MTRF1: variants seen among roughly 807,000 people sequenced by gnomAD.
MTRF1 encodes the protein peptide chain release factor 1, mitochondrial.
MTRF1 carries 51 observed loss-of-function variants against 62.9 expected under a neutral mutation model. That is an observed-to-expected ratio of 0.81 (90% CI 0.65 to 1.02). The LOEUF (loss-of-function observed/expected upper bound fraction) is 1.02, where lower values mean the gene tolerates loss of function less well. MTRF1 is among the 50% of genes least tolerant of loss of function. The pLI is 0.00. For missense variants in MTRF1, 446 were observed against 530.0 expected, an observed-to-expected ratio of 0.84 and a Z score of 1.56; for synonymous variants, 158 against 181.9, an observed-to-expected ratio of 0.87 and a Z score of 1.06.
the MTRF1 span, among the ~76,000 whole-genome samples, chr13:41,268,883 T>C: frequency 6.6e-6 from 1 of 152,222 alleles, no homozygotes; most frequent in Non-Finnish European, 1.5e-5. Flanking sequence ...GGAGAGACCA[T>C]TATAATTTCT....
At chr13:41,263,666 C>G (rs762601323), upstream of MTRF1, 1 of 165,906 alleles carries the variant, frequency 6.0e-6, no homozygotes, top group Non-Finnish European at 1.3e-5. Context: ...TGTCCTCGAG[C>G]ATGCCTAACA....
chr13:41,233,200 G>A (rs925508837), intron 7 of MTRF1, among the ~76,000 whole-genome samples: 2 of 152,044 alleles, frequency 1.3e-5, no homozygotes, highest in Non-Finnish European at 2.9e-5. Flanking sequence ...AGCTAAAAGA[G>A]GTTCATTTGT....
At chr13:41,274,957 A>G in the MTRF1 span, among the ~76,000 whole-genome samples, 2 of 152,078 alleles carry the variant, frequency 1.3e-5, no homozygotes, top group Non-Finnish European at 1.5e-5. Flanking sequence ...TTTAGAAACG[A>G]AAGACATCAT....
intron 2 of MTRF1, among the ~76,000 whole-genome samples, 192 bp downstream of exon 2, chr13:41,260,301 C>T (rs1440395573): frequency 2.6e-5 from 4 of 151,788 alleles, no homozygotes; most frequent in African/African-American, 9.7e-5. Flanking sequence ...TTACAGTGAG[C>T]TACGATTGAG....
At chr13:41,258,576 A>C (rs199788357) in intron 2 of MTRF1, among the ~76,000 whole-genome samples, 7,889 of 35,084 alleles carry the variant, frequency 0.22, 243 homozygotes, top group Non-Finnish European at 0.28. Flanking sequence ...AAAAAAAAAC[A>C]AAAAAAAAAA....
At chr13:41,306,552 G>A in the MTRF1 span, among the ~76,000 whole-genome samples, 1 of 152,190 alleles carries the variant, frequency 6.6e-6, no homozygotes, top group Admixed American at 6.5e-5. Flanking sequence ...TTGATTTTAG[G>A]TTGCCAGCTG....
the MTRF1 span, chr13:41,311,716 T>G: frequency 1.3e-6 from 1 of 776,936 alleles, no homozygotes. Context: ...ACCTCGGAGG[T>G]CGCGGGACCC....
At chr13:41,257,951 T>C (rs1195347318) in intron 2 of MTRF1, among the ~76,000 whole-genome samples, 2 of 152,202 alleles carry the variant, frequency 1.3e-5, no homozygotes, top group East Asian at 1.9e-4. Flanking sequence ...ACTATTATTA[T>C]AGAAAAATTG....
chr13:41,294,202 G>A, the MTRF1 span, among the ~76,000 whole-genome samples: 1 of 151,942 alleles, frequency 6.6e-6, no homozygotes, highest in Admixed American at 6.6e-5. Context: ...GGCAGATCAC[G>A]AGGTCAAGAG....
chr13:41,257,709 G>A (rs1340171949), intron 2 of MTRF1: 1 of 414,048 alleles, frequency 2.4e-6, no homozygotes, highest in Non-Finnish European at 5.0e-6. Flanking sequence ...GAGGTTGGAG[G>A]ATTGCTTGAG....
chr13:41,239,446 A>G (rs1354452172), intron 6 of MTRF1, among the ~76,000 whole-genome samples: 3 of 152,224 alleles, frequency 2.0e-5, no homozygotes, highest in African/African-American at 7.2e-5. Context: ...GTTCATTTAA[A>G]TAAATGTATA....
intron 3 of MTRF1, among the ~76,000 whole-genome samples, chr13:41,254,274 T>C (rs921128647): frequency 6.6e-6 from 1 of 152,240 alleles, no homozygotes; most frequent in African/African-American, 2.4e-5. Context: ...TACCAGCACG[T>C]ATTCTCTTGC....
the MTRF1 span, among the ~76,000 whole-genome samples, chr13:41,288,838 G>A: frequency 1.3e-5 from 2 of 152,130 alleles, no homozygotes; most frequent in East Asian, 3.9e-4. Flanking sequence ...GAGACAACTC[G>A]CAGTGTCAAT....
At chr13:41,228,219 A>G (rs745360011) in intron 7 of MTRF1, among the ~76,000 whole-genome samples, 1 of 152,170 alleles carries the variant, frequency 6.6e-6, no homozygotes, top group Non-Finnish European at 1.5e-5. Flanking sequence ...GGAGTATTTA[A>G]TAATGAGTAC....
the MTRF1 span, among the ~76,000 whole-genome samples, chr13:41,301,159 G>T: frequency 1.3e-5 from 2 of 152,304 alleles, no homozygotes; most frequent in Middle Eastern, 6.8e-3. Context: ...GGAGAGAGGA[G>T]TAAAGTTCCC....
chr13:41,272,732 C>T, the MTRF1 span, among the ~76,000 whole-genome samples: 2 of 152,172 alleles, frequency 1.3e-5, no homozygotes, highest in African/African-American at 4.8e-5. Flanking sequence ...AACACTTGAA[C>T]TCATCTTCCC....
chr13:41,223,128 T>C (rs560016277), intron 9 of MTRF1, 128 bp downstream of exon 9: 36 of 570,340 alleles, frequency 6.3e-5, no homozygotes, highest in African/African-American at 6.2e-4. Flanking sequence ...AATTTTAGGG[T>C]GGCTTAATGA....
chr13:41,289,415 T>A, the MTRF1 span, among the ~76,000 whole-genome samples: 1 of 152,020 alleles, frequency 6.6e-6, no homozygotes, highest in Non-Finnish European at 1.5e-5. Flanking sequence ...TTTTTGTATT[T>A]TTAGTAGAGA....
At chr13:41,294,043 T>C in the MTRF1 span, among the ~76,000 whole-genome samples, 1 of 152,144 alleles carries the variant, frequency 6.6e-6, no homozygotes, top group African/African-American at 2.4e-5. Context: ...GAGTTAAAAA[T>C]TGTAATCAAT....
Sources: allele counts gnomAD v4.1 joint callset (sites outside exome capture counted in the v4.1 genomes callset), GRCh38; gene constraint gnomAD v4.1.1; transcripts MANE v1.5; gene names NCBI Gene and HGNC (gene_info 2026-07-23, HGNC 2026-07-21).